SLC24A3: variants seen among roughly 807,000 people sequenced by gnomAD.
The protein encoded by SLC24A3 is sodium/potassium/calcium exchanger 3.
In SLC24A3, 28 loss-of-function variants were observed where a neutral mutation model predicts 75.8. That is an observed-to-expected ratio of 0.37 (90% CI 0.27 to 0.51). The LOEUF (loss-of-function observed/expected upper bound fraction) is 0.51, where lower values mean the gene tolerates loss of function less well. Among genes scored for constraint, SLC24A3 ranks in the 20% least tolerant of loss-of-function variants. SLC24A3 has a pLI of 0.94. For synonymous variants in SLC24A3, 372 were observed against 334.1 expected, an observed-to-expected ratio of 1.11 and a Z score of -1.24; for missense variants, 663 against 847.8, an observed-to-expected ratio of 0.78 and a Z score of 2.71.
chr20:19,254,388 CA>C (rs1288765159), intron 1 of SLC24A3, among the ~76,000 whole-genome samples: 1 of 152,132 alleles, frequency 6.6e-6, no homozygotes. Flanking sequence ...CTTGCCACCT[CA>C]AGGGAAGATT....
intron 6 of SLC24A3, among the ~76,000 whole-genome samples, chr20:19,585,748 T>C (rs2122638314): frequency 6.6e-6 from 1 of 152,314 alleles, no homozygotes; most frequent in South Asian, 2.1e-4. Flanking sequence ...TTGGTCTCCA[T>C]GTTGATGGAA....
intron 1 of SLC24A3, among the ~76,000 whole-genome samples, chr20:19,222,340 T>C (rs1981737851): frequency 6.6e-6 from 1 of 152,212 alleles, no homozygotes; most frequent in Non-Finnish European, 1.5e-5. Context: ...TCAGGGGATC[T>C]TTGGCAACTA....
chr20:19,703,204 A>G lies in SLC24A3; in HGVS notation c.1719+4524A>G, dbSNP rs143953970. 3.3e-4 allele frequency among the ~76,000 whole-genome samples: 50 copies of G among 152,242 alleles called. 1 individual carries two copies. The highest frequency in any genetic ancestry group is 1.0e-3 in the African/African-American group (43 of 41,540). On this transcript the variant is annotated intron_variant, in intron 15 of 16. Transcript: ENST00000328041. ...GGGAAGAATCCCTATGAAGAGAAGA[A>G]CCCCAAATGCTCCCCACATCCTAAA...
At chr20:19,405,102 C>T (rs1208014491) in intron 2 of SLC24A3, among the ~76,000 whole-genome samples, 1 of 152,140 alleles carries the variant, frequency 6.6e-6, no homozygotes. Context: ...ACAGAAATCA[C>T]ATCTTTTCAG....
At chr20:19,394,455 A>G (rs1986418372) in intron 2 of SLC24A3, among the ~76,000 whole-genome samples, 2 of 152,330 alleles carry the variant, frequency 1.3e-5, no homozygotes, top group Middle Eastern at 3.4e-3. Flanking sequence ...TGCAAATTAT[A>G]TATCTGATCA....
At chr20:19,557,030 C>T (rs923972634) in intron 3 of SLC24A3, among the ~76,000 whole-genome samples, 8 of 152,192 alleles carry the variant, frequency 5.3e-5, no homozygotes, top group African/African-American at 9.7e-5. Flanking sequence ...TCCACAGCCC[C>T]AGCCCTTTGG....
At chr20:19,357,232 A>G (rs1009835784) in intron 2 of SLC24A3, among the ~76,000 whole-genome samples, 2 of 152,228 alleles carry the variant, frequency 1.3e-5, no homozygotes, top group Admixed American at 1.3e-4. Flanking sequence ...GAGACAGGCA[A>G]GGAACAGATT....
At chr20:19,602,804 C>G (rs1327014888) in intron 6 of SLC24A3, among the ~76,000 whole-genome samples, 6 of 152,174 alleles carry the variant, frequency 3.9e-5, no homozygotes. Flanking sequence ...ACGGGAGTCC[C>G]TGACTCTCTC....
intron 2 of SLC24A3, among the ~76,000 whole-genome samples, chr20:19,512,115 C>T (rs1395929553): frequency 6.6e-6 from 1 of 152,226 alleles, no homozygotes; most frequent in Non-Finnish European, 1.5e-5. Flanking sequence ...CACACTTCCT[C>T]ATGGCCAGCT....
At chr20:19,405,728 G>A (rs1986632838) in intron 2 of SLC24A3, among the ~76,000 whole-genome samples, 2 of 152,258 alleles carry the variant, frequency 1.3e-5, no homozygotes, top group Middle Eastern at 3.4e-3. Context: ...CACAAGCCTT[G>A]AAGAATTTGA....
chr20:19,242,415 T>C (rs988181381), intron 1 of SLC24A3: 1 of 152,178 alleles, frequency 6.6e-6, no homozygotes, highest in African/African-American at 2.4e-5. Flanking sequence ...GTTTGGGCGA[T>C]AGAGGTTTGG....
intron 6 of SLC24A3, among the ~76,000 whole-genome samples, chr20:19,606,049 T>A (rs2031592896): frequency 6.6e-6 from 1 of 152,238 alleles, no homozygotes; most frequent in Admixed American, 6.5e-5. Flanking sequence ...TTGGCCAGCA[T>A]GAGCAGCAAA....
At chr20:19,698,238 G>A (rs1390962490) in intron 14 of SLC24A3, among the ~76,000 whole-genome samples, 4 of 152,236 alleles carry the variant, frequency 2.6e-5, no homozygotes, top group South Asian at 2.1e-4. Context: ...ATCACTTCCC[G>A]CCAAGCCTCA....
intron 6 of SLC24A3, among the ~76,000 whole-genome samples, chr20:19,640,185 G>T (rs1600316116): frequency 6.6e-6 from 1 of 152,270 alleles, no homozygotes; most frequent in East Asian, 1.9e-4. Flanking sequence ...CTGCCAGCAC[G>T]CTGTCACCTC....
At chr20:19,560,137 T>C (rs1035400581) in intron 3 of SLC24A3, among the ~76,000 whole-genome samples, 1 of 151,258 alleles carries the variant, frequency 6.6e-6, no homozygotes, top group Admixed American at 6.6e-5. Context: ...TCCCCAGGAG[T>C]CAAAAGTGAG....
At chr20:19,634,033 A>G (rs1406674211) in intron 6 of SLC24A3, among the ~76,000 whole-genome samples, 2 of 152,186 alleles carry the variant, frequency 1.3e-5, no homozygotes, top group Admixed American at 6.5e-5. Context: ...TAAGAAAAAA[A>G]ATTCTTGTGC....
At chr20:19,445,636 A>G (rs1600232635) in intron 2 of SLC24A3, among the ~76,000 whole-genome samples, 5 of 152,328 alleles carry the variant, frequency 3.3e-5, no homozygotes, top group African/African-American at 1.2e-4. Flanking sequence ...GGGAAGTGGG[A>G]TATTCATCCG....
intron 2 of SLC24A3, among the ~76,000 whole-genome samples, chr20:19,506,047 A>C (rs945368805): frequency 3.1e-4 from 47 of 152,348 alleles, no homozygotes; most frequent in African/African-American, 1.0e-3. Flanking sequence ...ATAACCACAT[A>C]AATGGGTATT....
At chr20:19,378,146 G>A (rs981926195) in intron 2 of SLC24A3, among the ~76,000 whole-genome samples, 7 of 152,156 alleles carry the variant, frequency 4.6e-5, no homozygotes, top group South Asian at 2.1e-4. Flanking sequence ...CTCCAGGAAC[G>A]AGAACCCTGT....
Sources: gnomAD v4.1 joint callset for allele counts (sites outside exome capture counted in the v4.1 genomes callset) on GRCh38, gnomAD v4.1.1 for gene constraint, MANE v1.5 for transcripts, NCBI Gene and HGNC (gene_info 2026-07-23, HGNC 2026-07-21) for gene names.